The following TBCK variants were observed in gnomAD, a reference collection of about 807,000 sequenced individuals.
TBCK encodes TBC domain-containing protein kinase-like protein.
In TBCK, 99 loss-of-function variants were observed where a neutral mutation model predicts 113.4. That is an observed-to-expected ratio of 0.87 (90% CI 0.74 to 1.03). TBCK has a LOEUF of 1.03. TBCK is among the 50% of genes least tolerant of loss of function. The pLI, the probability that TBCK is intolerant of heterozygous loss-of-function variation, is 0.00. For synonymous variants in TBCK, 369 were observed against 370.8 expected (o/e 1.00, Z 0.05); for missense variants, 1,045 against 1,061.3 (o/e 0.98, Z 0.21).
chr4:106,217,307 C>T (rs1271832114), intron 19 of TBCK, among the ~76,000 whole-genome samples: 1 of 152,076 alleles, frequency 6.6e-6, no homozygotes, highest in South Asian at 2.1e-4. Context: ...AAAACTGGCA[C>T]AAGACAGGGA....
chr4:106,133,736 C>T (rs1244897902), intron 23 of TBCK, among the ~76,000 whole-genome samples: 1 of 152,154 alleles, frequency 6.6e-6, no homozygotes, highest in African/African-American at 2.4e-5. Context: ...TTAGGCTGGT[C>T]GTGATGGCTC....
chr4:106,171,262 T>C lies in TBCK; in HGVS notation c.2068A>G (p.Ile690Val). 2 of 1,600,172 alleles carry C rather than the reference T, an allele frequency of 1.2e-6. No individual in the cohort carries two copies. The highest frequency in any genetic ancestry group is 1.7e-6 in the Non-Finnish European group (2 of 1,175,468). ...ATAGATTCTCTCACACAGCGTTCAA[T>C]GTCAATTTCTAGATAGAAATGTTTT... Reference protein sequence around the residue: ...LLFSDLPEIDIERCVRESINL... With the variant: ...LLFSDLPEIDVERCVRESINL... The change falls in exon 23 of 26, where the codon ATT (isoleucine) becomes GTT (valine). Residue 690 changes from isoleucine to valine, a missense_variant. By Grantham distance (29) the Ile-to-Val change is conservative. Coordinates refer to ENST00000394708, the MANE Select transcript of TBCK (RefSeq NM_001163435.3).
chr4:106,289,836 T>C (rs1225900695), intron 3 of TBCK, among the ~76,000 whole-genome samples: 1 of 151,748 alleles, frequency 6.6e-6, no homozygotes, highest in Non-Finnish European at 1.5e-5. Context: ...AAATAAAACA[T>C]TAAGTTAAGA....
chr4:106,256,240 C>A lies in TBCK; in HGVS notation c.455+4197G>T, dbSNP rs536405886. 2.0e-5 allele frequency among the ~76,000 whole-genome samples: 3 copies of A among 152,290 alleles called. No individual in the cohort carries two copies. In the South Asian group the frequency reaches 6.2e-4, roughly 32 times the overall value. On this transcript the variant is annotated intron_variant, in intron 5 of 25. Coordinates refer to ENST00000394708, the MANE Select transcript of TBCK (RefSeq NM_001163435.3). ...TCCTGGGCTTGAAGGCAGGGCTTCACCAGGGACCTGCCCCCTTCTACCCAG... is the reference window on the plus strand; with the variant it reads ...TCCTGGGCTTGAAGGCAGGGCTTCAACAGGGACCTGCCCCCTTCTACCCAG...
intron 3 of TBCK, among the ~76,000 whole-genome samples, chr4:106,264,429 TCAG>T (rs1395694254): frequency 9.2e-5 from 14 of 151,794 alleles, no homozygotes; most frequent in Middle Eastern, 6.8e-3. Flanking sequence ...AAAAGTGTAT[TCAG>T]TGCGTGCAGT....
chr4:106,298,941 C>T (rs894158872), intron 2 of TBCK, among the ~76,000 whole-genome samples: 3 of 152,116 alleles, frequency 2.0e-5, no homozygotes. Context: ...ACTGGGGGTG[C>T]TGGGGGCCTT....
intron 23 of TBCK, among the ~76,000 whole-genome samples, chr4:106,167,931 G>A (rs1159332068): frequency 6.6e-6 from 1 of 151,756 alleles, no homozygotes; most frequent in Non-Finnish European, 1.5e-5. Context: ...AAGACTGAAG[G>A]AAGAAATTAT....
chr4:106,186,930 C>T (rs752158896), intron 22 of TBCK, among the ~76,000 whole-genome samples: 14 of 152,038 alleles, frequency 9.2e-5, no homozygotes, highest in South Asian at 2.1e-4. Flanking sequence ...TGAAAGGAAG[C>T]GCTCCAGTTT....
chr4:106,230,748 C>A (rs1177217332), intron 18 of TBCK, among the ~76,000 whole-genome samples: 2 of 151,826 alleles, frequency 1.3e-5, no homozygotes, highest in African/African-American at 4.8e-5. Context: ...AATTTCTAAG[C>A]ATGATCATTA....
Position 106,043,020 on chromosome 4 carries a change from CTA to C in TBCK, c.*3548_*3549del, listed in dbSNP as rs1471038058. The C allele has an allele frequency of 1.3e-5, 2 of 152,280 alleles. No individual in the cohort carries two copies. The highest frequency in any genetic ancestry group is 1.9e-4 in the East Asian group (1 of 5,182). The allele number at this position is 152,280 out of a possible 1,614,324, so 9.4% of individuals were successfully genotyped here. Reference sequence around the variant, plus strand: ...GAACTCCCACCCATAAGATCCAAAGCTATGTCTTCTATTCCTATATGTATTCC... The same window carrying C: ...GAACTCCCACCCATAAGATCCAAAGCTGTCTTCTATTCCTATATGTATTCC... On this transcript the variant is annotated 3_prime_UTR_variant, in exon 26 of 26. Transcript: ENST00000394708.
At chr4:106,220,019 A>T (rs892963516) in intron 19 of TBCK, among the ~76,000 whole-genome samples, 38 of 152,340 alleles carry the variant, frequency 2.5e-4, no homozygotes, top group African/African-American at 9.1e-4. Context: ...AACAAATAGT[A>T]CTAAATTATT....
intron 2 of TBCK, among the ~76,000 whole-genome samples, chr4:106,304,331 A>G (rs1767273895): frequency 1.3e-5 from 2 of 152,196 alleles, no homozygotes; most frequent in Admixed American, 6.5e-5. Flanking sequence ...AAAGAACAAT[A>G]AAGCAAACCC....
chr4:106,195,822 C>T (rs1226156196), intron 20 of TBCK, among the ~76,000 whole-genome samples: 1 of 151,966 alleles, frequency 6.6e-6, no homozygotes, highest in Non-Finnish European at 1.5e-5. Flanking sequence ...AGCTTTCAAA[C>T]AGCATATTGT....
intron 23 of TBCK, among the ~76,000 whole-genome samples, chr4:106,117,157 T>C (rs567521433): frequency 9.5e-4 from 145 of 152,248 alleles, no homozygotes; most frequent in Non-Finnish European, 1.7e-3. Context: ...GGGTCAAACA[T>C]GTAGAAAGAG....
At chr4:106,123,859 A>G (rs1352836741) in intron 23 of TBCK, among the ~76,000 whole-genome samples, 1 of 149,038 alleles carries the variant, frequency 6.7e-6, no homozygotes, top group Admixed American at 6.7e-5. Context: ...TTCAAGATGG[A>G]TTAAAGACTT....
At chr4:106,179,338 A>G (rs1752058579) in intron 22 of TBCK, among the ~76,000 whole-genome samples, 1 of 151,560 alleles carries the variant, frequency 6.6e-6, no homozygotes, top group Non-Finnish European at 1.5e-5. Flanking sequence ...TAAGTTCTTT[A>G]TTTGAATTAT....
chr4:106,183,150 C>T (rs1752601381), intron 22 of TBCK, among the ~76,000 whole-genome samples: 1 of 152,060 alleles, frequency 6.6e-6, no homozygotes, highest in Non-Finnish European at 1.5e-5. Context: ...TGGACAGCTG[C>T]TCTCTTTCTA....
intron 24 of TBCK, among the ~76,000 whole-genome samples, chr4:106,110,403 G>A (rs545424756): frequency 1.3e-5 from 2 of 152,288 alleles, no homozygotes; most frequent in African/African-American, 4.8e-5. Context: ...TAAGTCATTG[G>A]TGCCCACTCA....
intron 24 of TBCK, among the ~76,000 whole-genome samples, chr4:106,107,533 G>C (rs548823761): frequency 7.9e-4 from 120 of 152,240 alleles, no homozygotes; most frequent in Non-Finnish European, 1.6e-3. Flanking sequence ...GCTCCCGATT[G>C]ACTTTTGGGT....
Sources: allele counts gnomAD v4.1 joint callset (sites outside exome capture counted in the v4.1 genomes callset), GRCh38; gene constraint gnomAD v4.1.1; transcripts MANE v1.5; gene names NCBI Gene and HGNC (gene_info 2026-07-23, HGNC 2026-07-21).